ZMYND11: variants seen among roughly 807,000 people sequenced by gnomAD.
The protein encoded by ZMYND11 is zinc finger MYND-type containing 11.
A neutral mutation model predicts 84.9 loss-of-function variants in ZMYND11; 9 were observed. The ratio of observed to expected loss-of-function variants is 0.11; its 90% CI spans 0.06 to 0.18. ZMYND11 has a LOEUF of 0.18. Ranked by LOEUF, ZMYND11 falls within the 10% of genes least tolerant of loss-of-function variation. The pLI, the probability that ZMYND11 is intolerant of heterozygous loss-of-function variation, is 1.00. For synonymous variants in ZMYND11, 250 were observed against 244.1 expected, an observed-to-expected ratio of 1.02 and a Z score of -0.23; for missense variants, 409 against 761.0, an observed-to-expected ratio of 0.54 and a Z score of 5.44.
intron 1 of ZMYND11, among the ~76,000 whole-genome samples, chr10:175,821 A>G (rs1231249442): frequency 2.6e-5 from 4 of 152,202 alleles, no homozygotes; most frequent in Non-Finnish European, 5.9e-5. Flanking sequence ...GTGCTAATAC[A>G]CTTTGGGGAA....
At chr10:223,032 C>CTTTTTTT (rs11362687) in intron 4 of ZMYND11, among the ~76,000 whole-genome samples, 412 of 144,178 alleles carry the variant, frequency 2.9e-3, no homozygotes, top group Middle Eastern at 0.026. Flanking sequence ...TTCCTTTACT[C>CTTTTTTT]TTTTTTTTTT....
chr10:161,191 AATCTCCCTGTAC>A (rs1275616306), intron 1 of ZMYND11, among the ~76,000 whole-genome samples: 3 of 152,200 alleles, frequency 2.0e-5, no homozygotes, highest in Non-Finnish European at 2.9e-5. Context: ...AAATAACACT[AATCTCCCTGTAC>A]ATCTCCATTA....
chr10:237,994 AAAG>A lies in ZMYND11; in HGVS notation c.609+320_609+322del, dbSNP rs1950258098. ...CTGGGCAATTTAGCATTTCAGATGTAAAGAATGTTTTCCAGGTTTAGCAGTGGT... is the reference window on the plus strand; with the variant it reads ...CTGGGCAATTTAGCATTTCAGATGTAAATGTTTTCCAGGTTTAGCAGTGGT... On this transcript the variant is annotated intron_variant, in intron 6 of 14. Transcript: ENST00000381604. Among the ~76,000 whole-genome samples, 3 of 152,362 alleles carry A rather than the reference AAAG, an allele frequency of 2.0e-5. No homozygotes were observed. In the South Asian group the frequency reaches 6.2e-4, roughly 32 times the overall value.
At chr10:136,639 G>A (rs1377436003) in intron 1 of ZMYND11, among the ~76,000 whole-genome samples, 1 of 152,088 alleles carries the variant, frequency 6.6e-6, no homozygotes, top group Admixed American at 6.5e-5. Flanking sequence ...ACGAGTGTAT[G>A]TAGTATCTGG....
At chr10:132,434 T>TG (rs1156401805), upstream of ZMYND11, among the ~76,000 whole-genome samples, 2 of 151,644 alleles carry the variant, frequency 1.3e-5, no homozygotes, top group African/African-American at 2.4e-5. Context: ...CTTGCTTTCT[T>TG]GGGGGTCTGA....
chr10:241,100 AAAC>A (rs1460134039), intron 9 of ZMYND11, 130 bp downstream of exon 9: 1 of 597,978 alleles, frequency 1.7e-6, no homozygotes. Context: ...TAATGAGTAT[AAAC>A]AACTGAAAAA....
chr10:151,404 A>G (rs1180638562), intron 1 of ZMYND11, among the ~76,000 whole-genome samples: 2 of 152,248 alleles, frequency 1.3e-5, no homozygotes, highest in African/African-American at 2.4e-5. Context: ...TCGCATGAGA[A>G]CTACGTGACG....
intron 1 of ZMYND11, among the ~76,000 whole-genome samples, chr10:160,513 TTTTCC>T (rs1842719984): frequency 6.6e-6 from 1 of 152,132 alleles, no homozygotes; most frequent in Admixed American, 6.6e-5. Flanking sequence ...ATCGATTGGC[TTTTCC>T]TTTCATGAAA....
intron 2 of ZMYND11, among the ~76,000 whole-genome samples, chr10:200,244 TATATATAATATAAA>T (rs1942837938): frequency 5.6e-5 from 2 of 35,678 alleles, no homozygotes; most frequent in Non-Finnish European, 9.3e-5. Flanking sequence ...TATAAAAATA[TATATATAATATAAA>T]ATATATAATT....
chr10:197,223 T>C (rs1009549183), intron 2 of ZMYND11, among the ~76,000 whole-genome samples: 3 of 150,858 alleles, frequency 2.0e-5, no homozygotes, highest in Admixed American at 6.6e-5. Context: ...ATTGTGTTCA[T>C]GTATGTGTAT....
At chr10:249,869 A>T in intron 14 of ZMYND11, 2 of 803,476 alleles carry the variant, frequency 2.5e-6, no homozygotes, top group South Asian at 5.7e-5. Flanking sequence ...TAAATCTGTG[A>T]CAAAGATTTG....
At position 157,189 on chromosome 10, in the gene ZMYND11, C is replaced by T. The variant is rs573737120; in HGVS notation, c.-20+21630C>T. 5.9e-5 allele frequency among the ~76,000 whole-genome samples: 9 copies of T among 152,038 alleles called. No homozygotes were observed. In the South Asian group the frequency reaches 8.3e-4, roughly 14 times the overall value. The stretch of plus-strand genomic sequence containing the variant: ...TCTCTCTAGTATATTTGAAAATTTC[C>T]GTAATAGCTTTTTTAATTTTTATTT... On this transcript the variant is annotated intron_variant, in intron 1 of 14. Coordinates refer to ENST00000381604, the MANE Select transcript of ZMYND11 (RefSeq NM_001370100.5).
In ZMYND11 at chr10:253,463, C is replaced by G. The variant is rs1953868765; in HGVS notation, c.*993C>G. The G allele has an allele frequency of 6.6e-6, 1 of 152,578 alleles. No individual in the cohort carries two copies. Among genetic ancestry groups the G allele is most frequent in the East Asian group, 1.9e-4 (1 of 5,202 alleles). 9.5% of individuals were successfully genotyped at this position (152,578 alleles called of 1,614,324 possible). A position where few individuals can be genotyped will look rare whatever the true frequency, so the allele number is the denominator to read the frequency against. ...ATGGGTCATTGCCTACTAATGAACTCCATCACTGTACACAGAATGAAGAAT... is the reference window on the plus strand; with the variant it reads ...ATGGGTCATTGCCTACTAATGAACTGCATCACTGTACACAGAATGAAGAAT... On this transcript the variant is annotated 3_prime_UTR_variant, in exon 15 of 15. Coordinates refer to ENST00000381604, the MANE Select transcript of ZMYND11 (RefSeq NM_001370100.5).
At chr10:176,406 CTTCTG>C (rs1344479504) in intron 1 of ZMYND11, among the ~76,000 whole-genome samples, 1 of 151,932 alleles carries the variant, frequency 6.6e-6, no homozygotes, top group South Asian at 2.1e-4. Context: ...TACAAAGAGT[CTTCTG>C]TTCTTTCTTT....
upstream of ZMYND11, among the ~76,000 whole-genome samples, chr10:134,060 TGCCAAGACG>T (rs1835413432): frequency 6.6e-6 from 1 of 152,178 alleles, no homozygotes; most frequent in Admixed American, 6.5e-5. Context: ...TGGGGACACG[TGCCAAGACG>T]GCCAATAGAT....
intron 3 of ZMYND11, among the ~76,000 whole-genome samples, chr10:210,885 A>G (rs1043135022): frequency 1.3e-5 from 2 of 152,154 alleles, no homozygotes; most frequent in Non-Finnish European, 2.9e-5. Context: ...AGATGTGGCC[A>G]GGTGTGGTGG....
At chr10:204,527 T>C (rs539036953) in intron 2 of ZMYND11, among the ~76,000 whole-genome samples, 1 of 152,314 alleles carries the variant, frequency 6.6e-6, no homozygotes, top group South Asian at 2.1e-4. Flanking sequence ...GCATATCAGC[T>C]GATTTTCTTG....
chr10:132,578 C>G, upstream of ZMYND11, among the ~76,000 whole-genome samples: 1 of 152,198 alleles, frequency 6.6e-6, no homozygotes, highest in South Asian at 2.1e-4. Flanking sequence ...TCACAGCCAT[C>G]TGCAGCAGTC....
chr10:155,943 C>T (rs564794067), intron 1 of ZMYND11, among the ~76,000 whole-genome samples: 2 of 152,246 alleles, frequency 1.3e-5, no homozygotes, highest in Admixed American at 1.3e-4. Flanking sequence ...GTTACTGGGC[C>T]ATTGAGTGGC....
Sources: allele counts gnomAD v4.1 joint callset (sites outside exome capture counted in the v4.1 genomes callset), GRCh38; gene constraint gnomAD v4.1.1; transcripts MANE v1.5; gene names NCBI Gene and HGNC (gene_info 2026-07-23, HGNC 2026-07-21).